The following RFX6 variants were observed in gnomAD, a reference collection of about 807,000 sequenced individuals.
RFX6 encodes the protein DNA-binding protein RFX6.
Under a neutral mutation model 110.8 loss-of-function variants are expected in RFX6, and 50 were observed. The ratio of observed to expected loss-of-function variants is 0.45; its 90% CI spans 0.36 to 0.57. The LOEUF (loss-of-function observed/expected upper bound fraction) is 0.57, where lower values mean the gene tolerates loss of function less well. Among genes scored for constraint, RFX6 ranks in the 20% least tolerant of loss-of-function variants. RFX6 has a pLI of 0.00. For synonymous variants in RFX6, 383 were observed against 411.2 expected (o/e 0.93, Z 0.83); for missense variants, 990 against 1,127.0 (o/e 0.88, Z 1.74).
At chr6:116,877,676 C>T in intron 1 of RFX6, 120 bp from the exon 2 acceptor site, 12 of 1,103,758 alleles carry the variant, frequency 1.1e-5, no homozygotes, top group Non-Finnish European at 1.3e-5. Flanking sequence ...CATAGCCCCC[C>T]TTTCCTCCCC....
At chr6:116,885,098 A>G (rs1406304528) in intron 4 of RFX6, 3 of 152,140 alleles carry the variant, frequency 2.0e-5, no homozygotes, top group East Asian at 1.9e-4. Flanking sequence ...ATCTTGGAAG[A>G]TAGAATATCA....
intron 6 of RFX6, among the ~76,000 whole-genome samples, chr6:116,907,299 G>A (rs1359625845): frequency 6.6e-6 from 1 of 152,000 alleles, no homozygotes; most frequent in African/African-American, 2.4e-5. Context: ...AGTTCATAAG[G>A]GATATTGGTC....
At chr6:116,923,443 T>TG in intron 14 of RFX6, 1 of 550,154 alleles carries the variant, frequency 1.8e-6, no homozygotes, top group Non-Finnish European at 3.3e-6. Flanking sequence ...TGGGCCAATC[T>TG]GCTCATTGAA....
chr6:116,912,915 G>A (rs1286643825), intron 7 of RFX6, among the ~76,000 whole-genome samples: 1 of 152,018 alleles, frequency 6.6e-6, no homozygotes, highest in Non-Finnish European at 1.5e-5. Context: ...CATTCCCAGT[G>A]GACTCCATCA....
intron 4 of RFX6, 140 bp downstream of exon 4, chr6:116,882,568 TGA>T: frequency 4.3e-6 from 2 of 467,296 alleles, no homozygotes; most frequent in South Asian, 3.2e-5. Flanking sequence ...CTGTGAGAAC[TGA>T]AAAAAAAAAA....
At chr6:116,898,035 A>G (rs1774988018) in intron 6 of RFX6, among the ~76,000 whole-genome samples, 1 of 152,126 alleles carries the variant, frequency 6.6e-6, no homozygotes, top group African/African-American at 2.4e-5. Flanking sequence ...CGGTGAGATA[A>G]CAGAGGAGAG....
chr6:116,877,248 C>T lies in RFX6; in HGVS notation c.-28C>T, dbSNP rs377611630. On this transcript the variant is annotated 5_prime_UTR_variant, in exon 1 of 19. Transcript: ENST00000332958. ...CCGCTGGGGAACCGGCCGAGCGGCG[C>T]GCGCGGAGGTGTCCGGCGGCCAGGA... The T allele has an allele frequency of 5.2e-4, 815 of 1,558,632 alleles. No individual in the cohort carries two copies. Among genetic ancestry groups the T allele is most frequent in the Non-Finnish European group, 6.8e-4 (780 of 1,145,842 alleles).
At chr6:116,919,389 G>A in intron 11 of RFX6, 93 bp downstream of exon 11, 2 of 1,167,692 alleles carry the variant, frequency 1.7e-6, no homozygotes, top group Non-Finnish European at 2.6e-6. Flanking sequence ...ATAGATTGAA[G>A]GGAGCTAAGT....
At chr6:116,929,279 G>T (rs776312499) in intron 18 of RFX6, among the ~76,000 whole-genome samples, 6 of 152,098 alleles carry the variant, frequency 3.9e-5, no homozygotes, top group Admixed American at 1.3e-4. Flanking sequence ...GTCTAAAACT[G>T]TAAGTTTTAA....
rs1432538299 is a variant in RFX6 at position 116,911,003 on chromosome 6, T to C, written c.741T>C (p.Ala247=). The change falls in exon 7 of 19, where the codon GCT becomes GCC. Residue 247 remains alanine (A), a synonymous_variant. Transcript: ENST00000332958. ...CACTTCTTCCAGAATTCCCCAGCGC[T>C]CAACACCTTGTATACCAAGGATGCA... ...TGTLLPEFPS[A]QHLVYQGCIS... is the part of the protein sequence containing the mutation. The C allele has an allele frequency of 6.2e-7, 1 of 1,613,444 alleles. No homozygotes were observed. Among genetic ancestry groups the C allele is most frequent in the Non-Finnish European group, 8.5e-7 (1 of 1,179,448 alleles).
In RFX6 at chr6:116,924,607, C is replaced by T. The variant is rs567242451; in HGVS notation, c.1556-62C>T. ...AACTGACTTCTCTTTCCCTTTCCTT[C>T]TCTTTCTCTCCCCTTTTTACATTTC... On this transcript the variant is annotated intron_variant, in intron 14 of 18. Coordinates refer to ENST00000332958, the MANE Select transcript of RFX6 (RefSeq NM_173560.4). 12 of 1,472,728 alleles carry T rather than the reference C, an allele frequency of 8.1e-6. No homozygotes were observed. In the Admixed American group the frequency reaches 1.7e-4, roughly 21 times the overall value. 91.2% of individuals were successfully genotyped at this position (1,472,728 alleles called of 1,614,324 possible). A position where few individuals can be genotyped will look rare whatever the true frequency, so the allele number is the denominator to read the frequency against.
At chr6:116,887,467 T>G (rs912455091) in intron 4 of RFX6, among the ~76,000 whole-genome samples, 38 of 152,220 alleles carry the variant, frequency 2.5e-4, no homozygotes. Context: ...AAAAATTGAC[T>G]TTACTTTCAT....
At chr6:116,893,564 T>G (rs1382794265) in intron 4 of RFX6, among the ~76,000 whole-genome samples, 1 of 152,122 alleles carries the variant, frequency 6.6e-6, no homozygotes, top group African/African-American at 2.4e-5. Flanking sequence ...TTCCCATGTG[T>G]GAGATTGGTC....
Position 116,893,850 on chromosome 6 carries a change from C to T in RFX6, c.567-137C>T. On this transcript the variant is annotated intron_variant, in intron 4 of 18. Coordinates refer to ENST00000332958, the MANE Select transcript of RFX6 (RefSeq NM_173560.4). Reference sequence around the variant, plus strand: ...ATATAGCACATTAAGATGCTGCCTACCTGAAAAATGTCAGAAAAGAAAGGT... The same window carrying T: ...ATATAGCACATTAAGATGCTGCCTATCTGAAAAATGTCAGAAAAGAAAGGT... 10 of 705,260 alleles carry T rather than the reference C, an allele frequency of 1.4e-5. No individual in the cohort carries two copies. In the South Asian group the frequency reaches 1.5e-4, roughly 10 times the overall value. The allele number at this position is 705,260 out of a possible 1,614,324, so 43.7% of individuals were successfully genotyped here. A position where few individuals can be genotyped will look rare whatever the true frequency, so the allele number is the denominator to read the frequency against.
At chr6:116,906,093 C>T (rs1240153150) in intron 6 of RFX6, among the ~76,000 whole-genome samples, 1 of 152,156 alleles carries the variant, frequency 6.6e-6, no homozygotes, top group Non-Finnish European at 1.5e-5. Flanking sequence ...TCTGAGCACA[C>T]TTTGTTGATA....
intron 4 of RFX6, among the ~76,000 whole-genome samples, chr6:116,882,650 G>A (rs1774615198): frequency 6.6e-6 from 1 of 151,822 alleles, no homozygotes; most frequent in Admixed American, 6.6e-5. Context: ...TATTTCTGCT[G>A]AAATAATTTA....
intron 6 of RFX6, among the ~76,000 whole-genome samples, chr6:116,904,913 A>C (rs1775162400): frequency 6.6e-6 from 1 of 152,216 alleles, no homozygotes; most frequent in African/African-American, 2.4e-5. Flanking sequence ...TTGCTAATCC[A>C]TTCATCTGTC....
chr6:116,900,601 A>G (rs1272949567), intron 6 of RFX6, among the ~76,000 whole-genome samples: 1 of 152,048 alleles, frequency 6.6e-6, no homozygotes, highest in East Asian at 1.9e-4. Flanking sequence ...TATTTAAAAA[A>G]AATTTTTATT....
chr6:116,906,452 A>G (rs1268621205), intron 6 of RFX6, among the ~76,000 whole-genome samples: 1 of 152,196 alleles, frequency 6.6e-6, no homozygotes, highest in African/African-American at 2.4e-5. Context: ...CACTCTAGGC[A>G]GTATTGCTAT....
Sources: gnomAD v4.1 joint callset for allele counts (sites outside exome capture counted in the v4.1 genomes callset) on GRCh38, gnomAD v4.1.1 for gene constraint, MANE v1.5 for transcripts, NCBI Gene and HGNC (gene_info 2026-07-23, HGNC 2026-07-21) for gene names.